The following DDB2 variants were observed in gnomAD, a reference collection of about 807,000 sequenced individuals.
The protein encoded by DDB2 is DNA damage-binding protein 2.
A neutral mutation model predicts 50.5 loss-of-function variants in DDB2; 27 were observed. That is an observed-to-expected ratio of 0.53 (90% CI 0.39 to 0.74). The LOEUF is 0.74. DDB2 is among the 30% of genes least tolerant of loss of function. The probability of loss-of-function intolerance (pLI) is 0.00; values close to 1 mark genes in which losing one functional copy is unlikely to be tolerated. For synonymous variants in DDB2, 176 were observed against 205.5 expected, an observed-to-expected ratio of 0.86 and a Z score of 1.23; for missense variants, 424 against 545.6, an observed-to-expected ratio of 0.78 and a Z score of 2.22.
intron 3 of DDB2, among the ~76,000 whole-genome samples, chr11:47,228,138 CAAAAAAAAAAA>C (rs35908583): frequency 1.7e-5 from 1 of 57,464 alleles, no homozygotes; most frequent in Non-Finnish European, 3.4e-5. Flanking sequence ...GGCTCTGTCT[CAAAAAAAAAAA>C]AAAAAAAAAA....
intron 3 of DDB2, among the ~76,000 whole-genome samples, chr11:47,224,972 C>T (rs570503969): frequency 6.6e-6 from 1 of 151,990 alleles, no homozygotes; most frequent in Non-Finnish European, 1.5e-5. Flanking sequence ...AGGTCTCACT[C>T]TCTCTTCCAG....
chr11:47,225,397 C>T (rs1284036658), intron 3 of DDB2, among the ~76,000 whole-genome samples: 1 of 151,568 alleles, frequency 6.6e-6, no homozygotes, highest in African/African-American at 2.4e-5. Context: ...TCGAGACCAT[C>T]CTGGCCAACA....
chr11:47,216,353 G>A lies in DDB2; in HGVS notation c.145G>A (p.Asp49Asn). 1.2e-6 allele frequency: 2 copies of A among 1,614,150 alleles called. No individual in the cohort carries two copies. The highest frequency in any genetic ancestry group is 1.7e-6 in the Non-Finnish European group (2 of 1,180,034). ...AKGSGPSRRC[D>N]SDCLWVGLAG... is the part of the protein sequence containing the mutation. ...CTTGGCAGGTCCTAGCAGAAGATGT[G>A]ACTCAGACTGCCTCTGGGTGGGGCT... is the stretch of plus-strand genomic sequence containing the variant. Residue 49 changes from aspartate (D) to asparagine (N), a missense_variant, in exon 2 of 10, where the codon GAC becomes AAC. Physicochemically the swap from Asp to Asn is conservative, Grantham distance 23 (BLOSUM62 1). Transcript: ENST00000256996.
chr11:47,215,447 A>T (rs371704632), intron 1 of DDB2, 184 bp downstream of exon 1: 10 of 747,202 alleles, frequency 1.3e-5, no homozygotes, highest in South Asian at 9.2e-5. Flanking sequence ...CTCTCCCGCT[A>T]GGTAACAGGA....
chr11:47,229,956 G>A (rs938553487), intron 3 of DDB2, among the ~76,000 whole-genome samples: 9 of 150,654 alleles, frequency 6.0e-5, no homozygotes, highest in Non-Finnish European at 7.4e-5. Flanking sequence ...TCAGCCTCTC[G>A]AATAGCTATG....
At chr11:47,219,774 G>T (rs950579715) in intron 3 of DDB2, among the ~76,000 whole-genome samples, 12 of 151,664 alleles carry the variant, frequency 7.9e-5, no homozygotes, top group African/African-American at 2.9e-4. Context: ...CCAGGAGGAG[G>T]TCTCTTTATT....
chr11:47,229,226 A>G (rs1218651125), intron 3 of DDB2, among the ~76,000 whole-genome samples: 1 of 152,094 alleles, frequency 6.6e-6, no homozygotes, highest in Non-Finnish European at 1.5e-5. Flanking sequence ...AAACAAGATC[A>G]GAAGGGCATC....
intron 7 of DDB2, 79 bp downstream of exon 7, chr11:47,235,491 G>C (rs1039464862): frequency 6.7e-6 from 10 of 1,499,660 alleles, no homozygotes; most frequent in Non-Finnish European, 7.2e-6. Context: ...AGTGGGGAAG[G>C]GCTGATGTGG....
At position 47,215,030 on chromosome 11, in the gene DDB2, T is replaced by C; in HGVS notation, c.-107T>C. 6.4e-7 allele frequency: 1 copy of C among 1,554,344 alleles called. No homozygotes were observed. Among genetic ancestry groups the C allele is most frequent in the Non-Finnish European group, 8.9e-7 (1 of 1,129,368 alleles). ...GAAGTTGGCTTAGCTCGGCTACCTG[T>C]GGCCCCGCAGTTTTGTAGTCCCCGC... On this transcript the variant is annotated 5_prime_UTR_variant, in exon 1 of 10. Coordinates refer to ENST00000256996, the MANE Select transcript of DDB2 (RefSeq NM_000107.3).
intron 7 of DDB2, among the ~76,000 whole-genome samples, chr11:47,237,263 C>T (rs972731363): frequency 6.6e-6 from 1 of 152,084 alleles, no homozygotes; most frequent in Non-Finnish European, 1.5e-5. Flanking sequence ...TTGGTATGAT[C>T]TTAGGAAATG....
chr11:47,231,590 C>G (rs750653360), intron 3 of DDB2, among the ~76,000 whole-genome samples: 1 of 152,104 alleles, frequency 6.6e-6, no homozygotes, highest in Non-Finnish European at 1.5e-5. Context: ...GTGATTCGAT[C>G]GCAACTCACT....
At chr11:47,234,709 C>A in intron 5 of DDB2, 37 bp downstream of exon 5, 5 of 1,613,792 alleles carry the variant, frequency 3.1e-6, no homozygotes, top group Non-Finnish European at 4.2e-6. Flanking sequence ...CCTCCCTCAC[C>A]CCCACCTCGG....
intron 3 of DDB2, among the ~76,000 whole-genome samples, chr11:47,225,850 G>A (rs1254968708): frequency 2.0e-5 from 3 of 152,140 alleles, no homozygotes; most frequent in African/African-American, 7.2e-5. Context: ...TCTCATCTAA[G>A]TGGAATCATA....
In DDB2 at chr11:47,235,472, T is replaced by C; in HGVS notation, c.1023+60T>C. The C allele has an allele frequency of 1.0e-5, 16 of 1,569,688 alleles. No individual in the cohort carries two copies. In the South Asian group the frequency reaches 1.8e-4, roughly 18 times the overall value. On this transcript the variant is annotated intron_variant, in intron 7 of 9. Transcript: ENST00000256996. ...GCTGTGATCATGAGGCCGGAGCAGG[T>C]CTGCCCACAGTGGGGAAGGGCTGAT...
At position 47,216,987 on chromosome 11, in the gene DDB2, A is replaced by C; in HGVS notation, c.394A>C (p.Lys132Gln). ...THPSTVAVGS[K>Q]GGDIMLWNFG... ...CCCCAGCACCGTGGCTGTGGGTTCC[A>C]AAGGGGGAGATATCATGCTCTGGAA... The change falls in exon 3 of 10, where the codon AAA becomes CAA. Residue 132 changes from lysine (K) to glutamine (Q), a missense_variant. Coordinates refer to ENST00000256996, the MANE Select transcript of DDB2 (RefSeq NM_000107.3). 6.2e-7 allele frequency: 1 copy of C among 1,614,118 alleles called. No individual in the cohort carries two copies. Among genetic ancestry groups the C allele is most frequent in the Non-Finnish European group, 8.5e-7 (1 of 1,180,002 alleles).
At chr11:47,235,043 G>A (rs1475246689) in intron 6 of DDB2, 109 bp downstream of exon 6, 88 of 1,375,204 alleles carry the variant, frequency 6.4e-5, no homozygotes, top group Non-Finnish European at 8.1e-5. Context: ...CCCTGATAGC[G>A]TCTGCCAAGC....
intron 1 of DDB2, chr11:47,215,566 C>A (rs1047825456): frequency 2.4e-6 from 1 of 416,014 alleles, no homozygotes; most frequent in Non-Finnish European, 4.6e-6. Context: ...TTTCCTGGCG[C>A]TGTGTGTGCT....
At chr11:47,229,075 A>G (rs1953606432) in intron 3 of DDB2, among the ~76,000 whole-genome samples, 1 of 150,898 alleles carries the variant, frequency 6.6e-6, no homozygotes, top group Non-Finnish European at 1.5e-5. Flanking sequence ...ACCAAAAGTC[A>G]TTAGGTAGGA....
At chr11:47,231,237 T>C (rs1953645492) in intron 3 of DDB2, among the ~76,000 whole-genome samples, 1 of 151,618 alleles carries the variant, frequency 6.6e-6, no homozygotes, top group African/African-American at 2.4e-5. Context: ...ATTATTTTCA[T>C]CATCATTTTC....
Sources: gnomAD v4.1 joint callset for allele counts (sites outside exome capture counted in the v4.1 genomes callset) on GRCh38, gnomAD v4.1.1 for gene constraint, MANE v1.5 for transcripts, NCBI Gene and HGNC (gene_info 2026-07-23, HGNC 2026-07-21) for gene names.